Variants in GREM2 observed in about 807,000 individuals in gnomAD.
The protein encoded by GREM2 is gremlin-2.
A neutral mutation model predicts 14.2 loss-of-function variants in GREM2; 11 were observed. That is an observed-to-expected ratio of 0.78 (90% CI 0.49 to 1.28). The LOEUF is 1.28. Ranked by LOEUF, GREM2 falls within the 50% of genes most tolerant of loss-of-function variation. The pLI is 0.00. For missense variants in GREM2, 210 were observed against 218.5 expected (o/e 0.96, Z 0.24); for synonymous variants, 98 against 97.6 (o/e 1.00, Z -0.02).
At chr1:240,581,910 T>G (rs1679493445) in intron 1 of GREM2, among the ~76,000 whole-genome samples, 1 of 152,254 alleles carries the variant, frequency 6.6e-6, no homozygotes, top group Non-Finnish European at 1.5e-5. Context: ...TAGTAAACTC[T>G]TCATTGGTTT....
At chr1:240,604,814 T>C (rs1679996258) in intron 1 of GREM2, among the ~76,000 whole-genome samples, 1 of 152,038 alleles carries the variant, frequency 6.6e-6, no homozygotes, top group East Asian at 1.9e-4. Flanking sequence ...AAAGTAGAGG[T>C]TCCTCTTCAA....
chr1:240,523,595 A>G (rs1160643573), intron 1 of GREM2, among the ~76,000 whole-genome samples: 1 of 152,156 alleles, frequency 6.6e-6, no homozygotes, highest in East Asian at 1.9e-4. Context: ...CATTCATTAA[A>G]TGTATTGTAA....
intron 1 of GREM2, among the ~76,000 whole-genome samples, chr1:240,563,168 T>G (rs1356660331): frequency 6.6e-6 from 1 of 151,468 alleles, no homozygotes; most frequent in African/African-American, 2.4e-5. Flanking sequence ...TGTGTACGTG[T>G]GAGTGTGTGT....
intron 1 of GREM2, among the ~76,000 whole-genome samples, chr1:240,565,479 AT>A (rs1273732887): frequency 6.6e-6 from 1 of 152,172 alleles, no homozygotes; most frequent in Non-Finnish European, 1.5e-5. Context: ...AGTATCATCA[AT>A]TAAAGCAATG....
chr1:240,559,258 A>G (rs1678999520), intron 1 of GREM2, among the ~76,000 whole-genome samples: 1 of 152,090 alleles, frequency 6.6e-6, no homozygotes, highest in African/African-American at 2.4e-5. Context: ...GTGCAGATGT[A>G]CAGTATGTTG....
chr1:240,543,938 C>T lies in GREM2; in HGVS notation c.-1-50462G>A, dbSNP rs1678657116. 6.6e-6 allele frequency among the ~76,000 whole-genome samples: 1 copy of T among 152,092 alleles called. No individual in the cohort carries two copies. Among genetic ancestry groups the T allele is most frequent in the Admixed American group, 6.6e-5 (1 of 15,254 alleles). ...GGTGACCCTCCATACCTGTGGGTTCCACATTCATGGGTTCAACCAACCTCA... is the reference window on the plus strand; with the variant it reads ...GGTGACCCTCCATACCTGTGGGTTCTACATTCATGGGTTCAACCAACCTCA... On this transcript the variant is annotated intron_variant, in intron 1 of 1. Coordinates refer to ENST00000318160, the MANE Select transcript of GREM2 (RefSeq NM_022469.4). This position sits in a 1 kb window ranked among gnomAD's most constrained non-coding sequence, Gnocchi z 6.4.
At chr1:240,510,829 C>A (rs1040434567) in intron 1 of GREM2, among the ~76,000 whole-genome samples, 6 of 152,166 alleles carry the variant, frequency 3.9e-5, no homozygotes, top group African/African-American at 1.4e-4. Context: ...AAAGAGACGT[C>A]TGCATTAAGT....
chr1:240,499,721 C>T (rs946711475), intron 1 of GREM2, among the ~76,000 whole-genome samples: 1 of 152,174 alleles, frequency 6.6e-6, no homozygotes, highest in African/African-American at 2.4e-5. Flanking sequence ...TTACCCCCAG[C>T]TTCTATAAAC....
At position 240,563,164 on chromosome 1, in the gene GREM2, CGTGTGAGTGTGTGTATGTGTACGT is replaced by C. The variant is rs1679105368; in HGVS notation, c.-2+48696_-2+48719del. Among the ~76,000 whole-genome samples the C allele has an allele frequency of 2.3e-5, 3 of 130,442 alleles. No homozygotes were observed. In the South Asian group the frequency reaches 7.8e-4, roughly 34 times the overall value. 85.6% of individuals were successfully genotyped at this position (130,442 alleles called of 152,430 possible). ...GTGTGTGTGAGTGTGTATGTGTGTA[CGTGTGAGTGTGTGTATGTGTACGT>C]GTGTGAGTGTGTGTAAGTGAGTGTG... is the stretch of plus-strand genomic sequence containing the variant. On this transcript the variant is annotated intron_variant, in intron 1 of 1. Coordinates refer to ENST00000318160, the MANE Select transcript of GREM2 (RefSeq NM_022469.4).
chr1:240,587,413 G>A (rs1051382548), intron 1 of GREM2, among the ~76,000 whole-genome samples: 2 of 150,086 alleles, frequency 1.3e-5, no homozygotes, highest in Non-Finnish European at 3.0e-5. Flanking sequence ...CCTCACCCTC[G>A]CAGGTTCAAG....
In GREM2 at chr1:240,555,928, T is replaced by A. The variant is rs559531640; in HGVS notation, c.-2+55956A>T. ...CACCTTTGATTTAATAGCCTTTGGC[T>A]CTTATTTTCCCTTTTGAATTTATTT... On this transcript the variant is annotated intron_variant, in intron 1 of 1. Transcript: ENST00000318160. Among the ~76,000 whole-genome samples, 30 of 152,370 alleles carry A rather than the reference T, an allele frequency of 2.0e-4. No individual in the cohort carries two copies. The South Asian group carries it at 4.6e-3, about 23-fold the overall frequency.
At chr1:240,548,417 C>T (rs184847078) in intron 1 of GREM2, among the ~76,000 whole-genome samples, 24 of 152,268 alleles carry the variant, frequency 1.6e-4, no homozygotes, top group Admixed American at 1.2e-3. Flanking sequence ...TCTTAGTCAA[C>T]CATATTCCTT....
chr1:240,515,078 C>T (rs1329827067), intron 1 of GREM2, among the ~76,000 whole-genome samples: 1 of 152,114 alleles, frequency 6.6e-6, no homozygotes, highest in Non-Finnish European at 1.5e-5. Flanking sequence ...AGAAACCATA[C>T]CTATAAGCAA....
chr1:240,598,062 T>C (rs1192498735), intron 1 of GREM2, among the ~76,000 whole-genome samples: 1 of 152,200 alleles, frequency 6.6e-6, no homozygotes, highest in Non-Finnish European at 1.5e-5. Context: ...GCAGTTAATA[T>C]CGACTAAACA....
intron 1 of GREM2, among the ~76,000 whole-genome samples, chr1:240,597,795 G>C (rs142270669): frequency 3.3e-5 from 5 of 152,116 alleles, no homozygotes; most frequent in African/African-American, 1.2e-4. Context: ...TAAATTAACA[G>C]AGCCTTACTT....
chr1:240,587,240 T>G (rs374406727), intron 1 of GREM2, among the ~76,000 whole-genome samples: 6 of 152,194 alleles, frequency 3.9e-5, no homozygotes, highest in African/African-American at 1.2e-4. Context: ...TCCCAGATTT[T>G]TAGGCGTATT....
At chr1:240,508,140 A>G (rs555153299) in intron 1 of GREM2, among the ~76,000 whole-genome samples, 27 of 152,306 alleles carry the variant, frequency 1.8e-4, no homozygotes, top group Non-Finnish European at 2.8e-4. Context: ...GCTCTCTACA[A>G]TGGAAAACTT....
intron 1 of GREM2, among the ~76,000 whole-genome samples, chr1:240,562,788 TGTGTGTATGTGA>T (rs1009026257): frequency 4.8e-4 from 70 of 144,364 alleles, no homozygotes; most frequent in African/African-American, 1.4e-3. Flanking sequence ...TGAGTGTGTA[TGTGTGTATGTGA>T]GTGTGTATGT....
chr1:240,534,701 A>G (rs1158439768), intron 1 of GREM2, among the ~76,000 whole-genome samples: 1 of 151,774 alleles, frequency 6.6e-6, no homozygotes, highest in Non-Finnish European at 1.5e-5. Flanking sequence ...TCAAAAAAAA[A>G]AAAAAAAAAA....
Sources: allele counts gnomAD v4.1 joint callset (sites outside exome capture counted in the v4.1 genomes callset), GRCh38; gene constraint gnomAD v4.1.1; non-coding constraint Gnocchi (gnomAD v3.1); transcripts MANE v1.5; gene names NCBI Gene and HGNC (gene_info 2026-07-23, HGNC 2026-07-21).